Variants in PCDHGA12 observed in about 807,000 individuals in gnomAD.
The protein encoded by PCDHGA12 is protocadherin gamma-A12.
In PCDHGA12, 43 loss-of-function variants were observed where a neutral mutation model predicts 61.1. The ratio of observed to expected loss-of-function variants is 0.70; its 90% CI spans 0.55 to 0.91. PCDHGA12 has a LOEUF of 0.91. Among genes scored for constraint, PCDHGA12 ranks in the 40% least tolerant of loss-of-function variants. The pLI is 0.00. For synonymous variants in PCDHGA12, 520 were observed against 542.9 expected (o/e 0.96, Z 0.59); for missense variants, 1,236 against 1,227.7 (o/e 1.01, Z -0.10).
chr5:141,478,711 T>C, intron 1 of PCDHGA12: 3 of 1,547,346 alleles, frequency 1.9e-6, no homozygotes, highest in Non-Finnish European at 1.7e-6. Flanking sequence ...CTTTGTGAGA[T>C]GGTGGCCTGC....
chr5:141,506,165 C>T (rs1359711670), intron 3 of PCDHGA12, among the ~76,000 whole-genome samples: 8 of 152,038 alleles, frequency 5.3e-5, no homozygotes, highest in South Asian at 2.1e-4. Context: ...AAGAGCACAG[C>T]CTAAGCTGGG....
chr5:141,441,852 G>T (rs1169073404), intron 1 of PCDHGA12: 2 of 352,708 alleles, frequency 5.7e-6, no homozygotes, highest in African/African-American at 2.2e-5. Flanking sequence ...TGGATATGGT[G>T]CTGCACGCCG....
chr5:141,477,571 C>A lies in PCDHGA12; in HGVS notation c.2425-17236C>A, dbSNP rs1470454976. ...TAAACCTAAGTGTCTGGGACCCCGA[C>A]GCCCCGCAGAATGCTCGGCTTTCTT... is the stretch of plus-strand genomic sequence containing the variant. On this transcript the variant is annotated intron_variant, in intron 1 of 3. Coordinates refer to ENST00000252085, the MANE Select transcript of PCDHGA12 (RefSeq NM_003735.3). The surrounding 1 kb of genome is among the most constrained non-coding windows in gnomAD (Gnocchi z 4.9). The A allele has an allele frequency of 3.1e-6, 5 of 1,614,042 alleles. No homozygotes were observed. In the South Asian group the frequency reaches 4.4e-5, roughly 14 times the overall value.
intron 2 of PCDHGA12, among the ~76,000 whole-genome samples, chr5:141,498,792 G>A (rs1217057199): frequency 2.6e-5 from 4 of 152,086 alleles, no homozygotes; most frequent in Admixed American, 2.6e-4. Context: ...TATTAGCCAG[G>A]TGTGGTGGTG....
chr5:141,466,375 C>A (rs2099121518), intron 1 of PCDHGA12, among the ~76,000 whole-genome samples: 1 of 152,042 alleles, frequency 6.6e-6, no homozygotes, highest in Non-Finnish European at 1.5e-5. Context: ...GGTTTTGGCA[C>A]CCATCTAATG....
intron 1 of PCDHGA12, among the ~76,000 whole-genome samples, chr5:141,435,698 A>G (rs954167256): frequency 1.3e-5 from 2 of 152,184 alleles, no homozygotes; most frequent in African/African-American, 4.8e-5. Context: ...CTTATTGTAG[A>G]GTGGTTACAG....
chr5:141,446,797 A>G lies in PCDHGA12; in HGVS notation c.2424+13614A>G, dbSNP rs559881142. ...CCATTCTTTTACTCTGAGTTCTTCC[A>G]TTGTGATCATCTAGTCAGATGGGTA... is the stretch of plus-strand genomic sequence containing the variant. On this transcript the variant is annotated intron_variant, in intron 1 of 3. Coordinates refer to ENST00000252085, the MANE Select transcript of PCDHGA12 (RefSeq NM_003735.3). Among the ~76,000 whole-genome samples, 48 of 152,224 alleles carry G rather than the reference A, an allele frequency of 3.2e-4. No individual in the cohort carries two copies. In the South Asian group the frequency reaches 7.3e-3, roughly 23 times the overall value.
rs61612330 is a variant in PCDHGA12, at chr5:141,454,796, A to ATTTTTTTTTTTTTTTTTT, written c.2424+21625_2424+21642dup. Reference sequence around the variant, plus strand: ...AAGGAAATAATCCTCCATGGTTCTAATTTTTTTTTTTTTTTTTTTTTTTTT... The same window carrying ATTTTTTTTTTTTTTTTTT: ...AAGGAAATAATCCTCCATGGTTCTAATTTTTTTTTTTTTTTTTTTTTTTTTTTTTTTTTTTTTTTTTTT... On this transcript the variant is annotated intron_variant, in intron 1 of 3. Coordinates refer to ENST00000252085, the MANE Select transcript of PCDHGA12 (RefSeq NM_003735.3). 9.0e-4 allele frequency among the ~76,000 whole-genome samples: 70 copies of ATTTTTTTTTTTTTTTTTT among 77,458 alleles called. 9 individuals carry two copies. Among genetic ancestry groups the ATTTTTTTTTTTTTTTTTT allele is most frequent in the Non-Finnish European group, 1.1e-3 (48 of 42,814 alleles). The allele number at this position is 77,458 out of a possible 152,430, so 50.8% of individuals were successfully genotyped here. A position where few individuals can be genotyped will look rare whatever the true frequency, so the allele number is the denominator to read the frequency against.
chr5:141,501,439 C>G (rs1245306644), intron 2 of PCDHGA12, among the ~76,000 whole-genome samples: 1 of 151,978 alleles, frequency 6.6e-6, no homozygotes, highest in Non-Finnish European at 1.5e-5. Context: ...TCCATTTCTT[C>G]CATTTTTACT....
In PCDHGA12 at chr5:141,490,861, T is replaced by C. The variant is rs1465042036; in HGVS notation, c.2425-3946T>C. The C allele has an allele frequency of 1.2e-6, 2 of 1,613,816 alleles. No individual in the cohort carries two copies. Among genetic ancestry groups the C allele is most frequent in the Non-Finnish European group, 1.7e-6 (2 of 1,179,920 alleles). On this transcript the variant is annotated intron_variant, in intron 1 of 3. Coordinates refer to ENST00000252085, the MANE Select transcript of PCDHGA12 (RefSeq NM_003735.3). The surrounding 1 kb of genome is among the most constrained non-coding windows in gnomAD (Gnocchi z 5.4). Reference sequence around the variant, plus strand: ...TGTGGTGGGGGTTCGAGACTCCGGCTCTCCCCCATTGCATGCCAACACATC... The same window carrying C: ...TGTGGTGGGGGTTCGAGACTCCGGCCCTCCCCCATTGCATGCCAACACATC...
chr5:141,472,838 T>C (rs1457889821), intron 1 of PCDHGA12, among the ~76,000 whole-genome samples: 1 of 151,464 alleles, frequency 6.6e-6, no homozygotes, highest in Non-Finnish European at 1.5e-5. Context: ...AATAGAAAAT[T>C]AGCTGGGCAT....
At chr5:141,456,949 C>A (rs1277351419) in intron 1 of PCDHGA12, among the ~76,000 whole-genome samples, 2 of 152,080 alleles carry the variant, frequency 1.3e-5, no homozygotes, top group East Asian at 3.9e-4. Flanking sequence ...GGCAACAGAG[C>A]AAAACTCCAT....
intron 1 of PCDHGA12, among the ~76,000 whole-genome samples, chr5:141,437,614 A>G (rs113599071): frequency 3.1e-4 from 47 of 152,242 alleles, no homozygotes; most frequent in Non-Finnish European, 5.1e-4. Flanking sequence ...AATCTGCTTT[A>G]TCCCCATATA....
chr5:141,485,274 C>T lies in PCDHGA12; in HGVS notation c.2425-9533C>T. On this transcript the variant is annotated intron_variant, in intron 1 of 3. Transcript: ENST00000252085. The surrounding 1 kb of genome is among the most constrained non-coding windows in gnomAD (Gnocchi z 5.7). Reference sequence around the variant, plus strand: ...TACGTTTGTGGGCAGATCCGCTACCCGGTCCCAGAGGAGTCACAGGAAGGG... The same window carrying T: ...TACGTTTGTGGGCAGATCCGCTACCTGGTCCCAGAGGAGTCACAGGAAGGG... The T allele has an allele frequency of 6.2e-7, 1 of 1,614,106 alleles. No individual in the cohort carries two copies. Among genetic ancestry groups the T allele is most frequent in the South Asian group, 1.1e-5 (1 of 91,086 alleles).
Position 141,490,685 on chromosome 5 carries a change from A to G in PCDHGA12, c.2425-4122A>G, listed in dbSNP as rs2099703028. On this transcript the variant is annotated intron_variant, in intron 1 of 3. Coordinates refer to ENST00000252085, the MANE Select transcript of PCDHGA12 (RefSeq NM_003735.3). The surrounding 1 kb of genome is among the most constrained non-coding windows in gnomAD (Gnocchi z 5.4). ...TGCACTGTGGCTGCCTCAGATCCAGACACTGGGGATAATGCCCGCCTCACC... is the reference window on the plus strand; with the variant it reads ...TGCACTGTGGCTGCCTCAGATCCAGGCACTGGGGATAATGCCCGCCTCACC... The G allele has an allele frequency of 1.9e-6, 3 of 1,614,030 alleles. No individual in the cohort carries two copies. Among genetic ancestry groups the G allele is most frequent in the South Asian group, 2.2e-5 (2 of 91,082 alleles).
chr5:141,487,031 G>A lies in PCDHGA12; in HGVS notation c.2425-7776G>A, dbSNP rs749130369. 1.2e-6 allele frequency: 2 copies of A among 1,614,182 alleles called. No homozygotes were observed. Among genetic ancestry groups the A allele is most frequent in the Non-Finnish European group, 1.7e-6 (2 of 1,180,028 alleles). On this transcript the variant is annotated intron_variant, in intron 1 of 3. Coordinates refer to ENST00000252085, the MANE Select transcript of PCDHGA12 (RefSeq NM_003735.3). The surrounding 1 kb of genome is among the most constrained non-coding windows in gnomAD (Gnocchi z 5.0). ...GGAGGCCCCAGATCCCAGCCTGTTT[G>A]CAGTCTCTCGATATGCTGGGGAGGT...
intron 1 of PCDHGA12, among the ~76,000 whole-genome samples, chr5:141,475,007 G>A (rs1017671344): frequency 2.0e-5 from 3 of 152,178 alleles, no homozygotes; most frequent in East Asian, 1.9e-4. Flanking sequence ...ATGCAGAAAA[G>A]TTAAGGCTCT....
At position 141,484,105 on chromosome 5, in the gene PCDHGA12, A is replaced by G. The variant is rs548687877; in HGVS notation, c.2425-10702A>G. On this transcript the variant is annotated intron_variant, in intron 1 of 3. Coordinates refer to ENST00000252085, the MANE Select transcript of PCDHGA12 (RefSeq NM_003735.3). Reference sequence around the variant, plus strand: ...GAAATGGTCTTCGTTGGTAATTAACAAAAGATCAAGAATACCTTGGTGTCA... The same window carrying G: ...GAAATGGTCTTCGTTGGTAATTAACGAAAGATCAAGAATACCTTGGTGTCA... Among the ~76,000 whole-genome samples, 3 of 152,316 alleles carry G rather than the reference A, an allele frequency of 2.0e-5. No individual in the cohort carries two copies. In the South Asian group the frequency reaches 6.2e-4, roughly 32 times the overall value.
rs375516156 is a variant in PCDHGA12 at position 141,510,311 on chromosome 5, C to G, written c.2573-636C>G. Among the ~76,000 whole-genome samples, 70 of 151,056 alleles carry G rather than the reference C, an allele frequency of 4.6e-4. No homozygotes were observed. The South Asian group carries it at 0.014, about 31-fold the overall frequency. On this transcript the variant is annotated intron_variant, in intron 3 of 3. Transcript: ENST00000252085. The stretch of plus-strand genomic sequence containing the variant: ...AAAAAATGCTGTTTTGAAATGGAGG[C>G]TTGGAAGAGCACTCTTCACCCCCAC...
Sources: allele counts gnomAD v4.1 joint callset (sites outside exome capture counted in the v4.1 genomes callset), GRCh38; gene constraint gnomAD v4.1.1; non-coding constraint Gnocchi (gnomAD v3.1); transcripts MANE v1.5; gene names NCBI Gene and HGNC (gene_info 2026-07-23, HGNC 2026-07-21).